DDAH1: variants seen among roughly 807,000 people sequenced by gnomAD.
DDAH1 encodes the protein N(G),N(G)-dimethylarginine dimethylaminohydrolase 1.
DDAH1 carries 19 observed loss-of-function variants against 28.8 expected under a neutral mutation model. The ratio of observed to expected loss-of-function variants is 0.66; its 90% CI spans 0.46 to 0.97. DDAH1 has a LOEUF of 0.97. DDAH1 is among the 50% of genes least tolerant of loss of function. The pLI is 0.00. For synonymous variants in DDAH1, 153 were observed against 154.4 expected (o/e 0.99, Z 0.07); for missense variants, 326 against 375.9 (o/e 0.87, Z 1.10).
At chr1:85,508,997 G>A (rs934800337) in intron 1 of DDAH1, among the ~76,000 whole-genome samples, 1 of 152,234 alleles carries the variant, frequency 6.6e-6, no homozygotes, top group African/African-American at 2.4e-5. Flanking sequence ...TGAGCTCTGA[G>A]AACAGACAGA....
At chr1:85,498,306 G>A (rs575103938) in intron 1 of DDAH1, among the ~76,000 whole-genome samples, 1 of 152,254 alleles carries the variant, frequency 6.6e-6, no homozygotes, top group East Asian at 1.9e-4. Flanking sequence ...AGTAATCAGA[G>A]TAAACCTAGG....
At chr1:85,357,670 T>C (rs2100855897) in intron 2 of DDAH1, among the ~76,000 whole-genome samples, 1 of 152,316 alleles carries the variant, frequency 6.6e-6, no homozygotes, top group African/African-American at 2.4e-5. Flanking sequence ...AGGACCAGCC[T>C]TTGCTGTCAG....
At chr1:85,395,164 A>T (rs1344291726) in intron 1 of DDAH1, among the ~76,000 whole-genome samples, 8 of 152,232 alleles carry the variant, frequency 5.3e-5, no homozygotes, top group Non-Finnish European at 1.0e-4. Context: ...GCTTTTCACA[A>T]TAAAGATTTA....
rs1651883981 is a variant in DDAH1 at position 85,397,875 on chromosome 1, A to T, written c.304-39028T>A. ...CCTCTCTCGCTATGTGACTCTACTG[A>T]CTCCCCTAGCCTCCTACCATAAGTA... On this transcript the variant is annotated intron_variant, in intron 1 of 5. Coordinates refer to ENST00000284031, the MANE Select transcript of DDAH1 (RefSeq NM_012137.4). Among the ~76,000 whole-genome samples, 4 of 151,388 alleles carry T rather than the reference A, an allele frequency of 2.6e-5. No individual in the cohort carries two copies. In the South Asian group the frequency reaches 8.4e-4, roughly 32 times the overall value.
At chr1:85,479,159 C>CTTTTTTTTTTTTTTT (rs35629726) in intron 2 of DDAH1, among the ~76,000 whole-genome samples, 11 of 78,618 alleles carry the variant, frequency 1.4e-4, no homozygotes, top group African/African-American at 4.6e-4. Flanking sequence ...TTCTGTTTTT[C>CTTTTTTTTTTTTTTT]TTTTTTTTTT....
chr1:85,416,857 G>A (rs772799533), intron 1 of DDAH1, among the ~76,000 whole-genome samples: 1 of 151,222 alleles, frequency 6.6e-6, no homozygotes, highest in African/African-American at 2.4e-5. Flanking sequence ...TTGTAGAGAC[G>A]GGGTTTCGCC....
intron 1 of DDAH1, among the ~76,000 whole-genome samples, chr1:85,415,665 C>T (rs1168864479): frequency 6.6e-6 from 1 of 151,900 alleles, no homozygotes; most frequent in African/African-American, 2.4e-5. Context: ...AAATGAAACA[C>T]TATATTATTT....
At position 85,571,787 on chromosome 1, in the gene DDAH1, C is replaced by CTTTTTTTT. The variant is rs58835610; in HGVS notation, c.-123+6189_-123+6196dup. On this transcript the variant is annotated intron_variant, in intron 1 of 6. Transcript: ENST00000426972. ...CCTTTTAGAATGAACTGTTTATAAG[C>CTTTTTTTT]TTTTTTTTTTTTTTTTTTTTTTTTT... Among the ~76,000 whole-genome samples the CTTTTTTTT allele has an allele frequency of 9.7e-3, 833 of 85,486 alleles. 5 individuals carry two copies. Among genetic ancestry groups the CTTTTTTTT allele is most frequent in the African/African-American group, 0.011 (237 of 21,012 alleles). 56.1% of individuals were successfully genotyped at this position (85,486 alleles called of 152,430 possible). A position where few individuals can be genotyped will look rare whatever the true frequency, so the allele number is the denominator to read the frequency against.
chr1:85,431,843 G>T (rs138155098), intron 1 of DDAH1, among the ~76,000 whole-genome samples: 2,335 of 152,262 alleles, frequency 0.015, 24 homozygotes, highest in Non-Finnish European at 0.024. Flanking sequence ...TGATCTTAAA[G>T]TGTCCCGCCA....
intron 1 of DDAH1, among the ~76,000 whole-genome samples, chr1:85,360,292 A>C (rs1649718528): frequency 6.6e-6 from 1 of 152,220 alleles, no homozygotes; most frequent in Non-Finnish European, 1.5e-5. Flanking sequence ...AACCAGAGTG[A>C]CTCAGAACAA....
At chr1:85,503,457 C>T (rs951139704) in intron 1 of DDAH1, among the ~76,000 whole-genome samples, 1 of 152,150 alleles carries the variant, frequency 6.6e-6, no homozygotes, top group Non-Finnish European at 1.5e-5. Flanking sequence ...CACCTCGGGC[C>T]TCCCAAAGTG....
At chr1:85,442,781 G>A (rs1557636831) in intron 1 of DDAH1, among the ~76,000 whole-genome samples, 1 of 152,196 alleles carries the variant, frequency 6.6e-6, no homozygotes, top group Non-Finnish European at 1.5e-5. Flanking sequence ...GATGGCCAGT[G>A]ATGATGAGCA....
chr1:85,449,583 T>C (rs1654575833), intron 1 of DDAH1, among the ~76,000 whole-genome samples: 1 of 152,100 alleles, frequency 6.6e-6, no homozygotes, highest in African/African-American at 2.4e-5. Context: ...GAGAGAATGA[T>C]GGATTTAAAG....
chr1:85,515,140 A>G (rs1657423244), intron 1 of DDAH1, among the ~76,000 whole-genome samples: 1 of 150,122 alleles, frequency 6.7e-6, no homozygotes, highest in African/African-American at 2.5e-5. Flanking sequence ...CTGTAATCCC[A>G]GCACTTTGGG....
At chr1:85,467,983 G>A (rs1194364261), upstream of DDAH1, among the ~76,000 whole-genome samples, 1 of 152,220 alleles carries the variant, frequency 6.6e-6, no homozygotes, top group African/African-American at 2.4e-5. Flanking sequence ...TCTATGGTGG[G>A]TGGGAGTGGA....
At chr1:85,437,246 G>A (rs1429153238) in intron 1 of DDAH1, among the ~76,000 whole-genome samples, 2 of 152,164 alleles carry the variant, frequency 1.3e-5, no homozygotes, top group Non-Finnish European at 2.9e-5. Context: ...GTGATGAAGA[G>A]AGAGGCCTGT....
At chr1:85,576,701 G>T (rs1570690234) in intron 1 of DDAH1, 1 of 152,626 alleles carries the variant, frequency 6.6e-6, no homozygotes, top group African/African-American at 2.4e-5. Flanking sequence ...CCCGCTGGGA[G>T]GACTAGTCAA....
chr1:85,435,382 C>A (rs993447730), intron 1 of DDAH1: 2 of 152,088 alleles, frequency 1.3e-5, no homozygotes, highest in Non-Finnish European at 2.9e-5. Flanking sequence ...TCTTCTTTTC[C>A]AACAGTTATT....
At chr1:85,542,218 A>G (rs1311513153) in intron 1 of DDAH1, among the ~76,000 whole-genome samples, 3 of 152,230 alleles carry the variant, frequency 2.0e-5, no homozygotes, top group Non-Finnish European at 4.4e-5. Context: ...GAATGCCTAT[A>G]AGAAGCTGGT....
Sources: allele counts gnomAD v4.1 joint callset (sites outside exome capture counted in the v4.1 genomes callset), GRCh38; gene constraint gnomAD v4.1.1; transcripts MANE v1.5; gene names NCBI Gene and HGNC (gene_info 2026-07-23, HGNC 2026-07-21).